The following CPQ variants were observed in gnomAD, a reference collection of about 807,000 sequenced individuals.
CPQ encodes the protein Ser-Met dipeptidase.
CPQ carries 37 observed loss-of-function variants against 45.7 expected under a neutral mutation model. The ratio of observed to expected loss-of-function variants is 0.81; its 90% CI spans 0.62 to 1.07. CPQ has a LOEUF of 1.07. CPQ is among the 50% of genes least tolerant of loss of function. The probability of loss-of-function intolerance (pLI) is 0.00; values close to 1 mark genes in which losing one functional copy is unlikely to be tolerated. For missense variants in CPQ, 537 were observed against 572.9 expected (o/e 0.94, Z 0.64); for synonymous variants, 186 against 205.8 (o/e 0.90, Z 0.82).
intron 6 of CPQ, among the ~76,000 whole-genome samples, chr8:97,058,925 A>T (rs1004484958): frequency 6.6e-6 from 1 of 152,120 alleles, no homozygotes; most frequent in Non-Finnish European, 1.5e-5. Flanking sequence ...TGCATTTTTT[A>T]AAAAAGCATA....
intron 4 of CPQ, among the ~76,000 whole-genome samples, chr8:96,945,880 C>G (rs1813181760): frequency 6.6e-6 from 1 of 152,192 alleles, no homozygotes; most frequent in Non-Finnish European, 1.5e-5. Context: ...TCAGGTTCCC[C>G]TGTGTTTGCT....
intron 7 of CPQ, among the ~76,000 whole-genome samples, chr8:97,079,600 A>G (rs1194311955): frequency 6.6e-6 from 1 of 152,198 alleles, no homozygotes; most frequent in Non-Finnish European, 1.5e-5. Context: ...CTCCCGTGTC[A>G]CATATAAGAT....
intron 2 of CPQ, among the ~76,000 whole-genome samples, chr8:96,822,607 C>T (rs1276275012): frequency 1.3e-5 from 2 of 151,956 alleles, no homozygotes; most frequent in East Asian, 1.9e-4. Context: ...TTCACCATGG[C>T]CCAGGAGGTC....
intron 1 of CPQ, among the ~76,000 whole-genome samples, chr8:96,659,570 A>G (rs1191650251): frequency 6.6e-6 from 1 of 152,138 alleles, no homozygotes; most frequent in African/African-American, 2.4e-5. Context: ...TACACATGAG[A>G]TCTTCATCTC....
chr8:97,002,457 T>A (rs979315342), intron 5 of CPQ, among the ~76,000 whole-genome samples: 1 of 152,228 alleles, frequency 6.6e-6, no homozygotes, highest in African/African-American at 2.4e-5. Context: ...TTCTGGTACG[T>A]TGCATCTTTG....
intron 4 of CPQ, among the ~76,000 whole-genome samples, chr8:96,909,435 C>T (rs1812625848): frequency 6.6e-6 from 1 of 152,158 alleles, no homozygotes; most frequent in Non-Finnish European, 1.5e-5. Context: ...CTGTTACAGG[C>T]ATTGGTCAGA....
Position 96,708,356 on chromosome 8 carries a change from A to G in CPQ, c.-35+62954A>G, listed in dbSNP as rs1274013011. 2.0e-5 allele frequency among the ~76,000 whole-genome samples: 3 copies of G among 151,952 alleles called. 1 individual carries two copies. The highest frequency in any genetic ancestry group is 1.9e-4 in the East Asian group (1 of 5,172). On this transcript the variant is annotated intron_variant, in intron 1 of 7. Transcript: ENST00000220763. ...AAGACTGGATATTTTTGTGTGGGCC[A>G]TTATTCTGCCTACCACAGCTTCTAA...
At position 96,784,949 on chromosome 8, in the gene CPQ, TGCTCTGGGAAA is replaced by T. The variant is rs916933272; in HGVS notation, c.56_66del (p.Ser19TyrfsTer8). The T allele has an allele frequency of 6.2e-7, 1 of 1,613,632 alleles. No individual in the cohort carries two copies. The highest frequency in any genetic ancestry group is 8.5e-7 in the Non-Finnish European group (1 of 1,179,728). On this transcript the variant is annotated frameshift_variant, in exon 2 of 8. Transcript: ENST00000220763. LOFTEE classifies it high-confidence loss of function. ...CGGTGGTGTTCACCTTTTATCCCTG[TGCTCTGGGAAA>T]GCTATATGCAAGAATGGCATCTCTA...
At chr8:96,738,806 C>T (rs1307741227) in intron 1 of CPQ, among the ~76,000 whole-genome samples, 3 of 152,158 alleles carry the variant, frequency 2.0e-5, no homozygotes, top group Non-Finnish European at 4.4e-5. Flanking sequence ...TTTTTTATGG[C>T]TGCATAGTAT....
At position 96,835,175 on chromosome 8, in the gene CPQ, C is replaced by T. The variant is rs761972877; in HGVS notation, c.636C>T (p.Ile212=). The T allele has an allele frequency of 6.8e-7, 1 of 1,477,908 alleles. No individual in the cohort carries two copies. The highest frequency in any genetic ancestry group is 9.0e-7 in the Non-Finnish European group (1 of 1,107,780). The allele number at this position is 1,477,908 out of a possible 1,614,324, so 91.5% of individuals were successfully genotyped here. Residue 212 remains isoleucine (I), a synonymous_variant, in exon 3 of 8, where the codon ATC becomes ATT. Transcript: ENST00000220763. ...SLIRSVASFS[I]YSPHTGIQEY... ...TTCGATCCGTGGCCTCCTTCTCCATCTACAGGTTTGTCACAATGTTCATTT... is the reference window on the plus strand; with the variant it reads ...TTCGATCCGTGGCCTCCTTCTCCATTTACAGGTTTGTCACAATGTTCATTT...
intron 1 of CPQ, among the ~76,000 whole-genome samples, chr8:96,715,347 T>G (rs1423345295): frequency 6.6e-6 from 1 of 152,170 alleles, no homozygotes; most frequent in African/African-American, 2.4e-5. Flanking sequence ...CCTGACCCAG[T>G]GTTCTAGCTA....
intron 4 of CPQ, among the ~76,000 whole-genome samples, chr8:96,927,987 T>G (rs959856870): frequency 2.2e-4 from 33 of 152,162 alleles, no homozygotes; most frequent in African/African-American, 7.5e-4. Context: ...ACAATGCAGT[T>G]GTGACTTCCC....
At chr8:96,725,604 G>A (rs914873147) in intron 1 of CPQ, among the ~76,000 whole-genome samples, 18 of 152,266 alleles carry the variant, frequency 1.2e-4, no homozygotes, top group African/African-American at 3.6e-4. Context: ...TGAGGCTGAG[G>A]AGAAAAGGGA....
intron 3 of CPQ, among the ~76,000 whole-genome samples, chr8:96,870,628 A>G (rs184126651): frequency 1.1e-3 from 166 of 152,110 alleles, no homozygotes; most frequent in Middle Eastern, 6.8e-3. Context: ...TGTCATCTGT[A>G]CAATGGGGAC....
intron 6 of CPQ, among the ~76,000 whole-genome samples, chr8:97,038,880 G>A (rs148984659): frequency 3.3e-4 from 49 of 146,976 alleles, no homozygotes; most frequent in African/African-American, 1.1e-3. Flanking sequence ...GTTTACTGAC[G>A]CCTGTTCTAA....
At chr8:96,789,573 G>A (rs1396459247) in intron 2 of CPQ, among the ~76,000 whole-genome samples, 3 of 152,184 alleles carry the variant, frequency 2.0e-5, no homozygotes, top group Non-Finnish European at 2.9e-5. Flanking sequence ...ATGGCTTGGA[G>A]TCTGTTATTA....
At chr8:96,938,148 G>GT (rs1340728279) in intron 4 of CPQ, among the ~76,000 whole-genome samples, 4 of 152,110 alleles carry the variant, frequency 2.6e-5, no homozygotes, top group African/African-American at 4.8e-5. Context: ...CTTCTCTTGT[G>GT]TATCTTTTTA....
chr8:96,913,305 C>G (rs1016460805), intron 4 of CPQ, among the ~76,000 whole-genome samples: 3 of 152,292 alleles, frequency 2.0e-5, no homozygotes, highest in African/African-American at 7.2e-5. Flanking sequence ...GCTTTTTGCT[C>G]TGGCATCTGA....
chr8:96,990,055 C>T (rs1227261237), intron 5 of CPQ, among the ~76,000 whole-genome samples: 1 of 152,092 alleles, frequency 6.6e-6, no homozygotes, highest in Non-Finnish European at 1.5e-5. Context: ...CCTCCTCAAA[C>T]CACCCTCACT....
Sources: gnomAD v4.1 joint callset for allele counts (sites outside exome capture counted in the v4.1 genomes callset) on GRCh38, gnomAD v4.1.1 for gene constraint, MANE v1.5 for transcripts, NCBI Gene and HGNC (gene_info 2026-07-23, HGNC 2026-07-21) for gene names.